The following VPS13B variants were observed in gnomAD, a reference collection of about 807,000 sequenced individuals.
VPS13B encodes the protein vacuolar protein sorting 13 homolog B.
Under a neutral mutation model 426.4 loss-of-function variants are expected in VPS13B, and 285 were observed. That is an observed-to-expected ratio of 0.67 (90% CI 0.61 to 0.74). VPS13B has a LOEUF of 0.74. VPS13B is among the 30% of genes least tolerant of loss of function. VPS13B has a pLI of 0.00. For synonymous variants in VPS13B, 1,676 were observed against 1,676.4 expected (o/e 1.00, Z 0.01); for missense variants, 4,537 against 4,782.6 (o/e 0.95, Z 1.51).
Position 99,871,478 on chromosome 8 carries a change from A to C in VPS13B, c.11526A>C (p.Glu3842Asp). The C allele has an allele frequency of 6.2e-7, 1 of 1,614,214 alleles. No homozygotes were observed. The highest frequency in any genetic ancestry group is 8.5e-7 in the Non-Finnish European group (1 of 1,180,032). ...TGCTTCAGTCTCTGGGCAGACCAGA[A>C]GTCCACATGGCCCTGGACGTGGTTC... is the stretch of plus-strand genomic sequence containing the variant. Reference protein sequence around the residue: ...WKMLQSLGRPEVHMALDVVLV... With the variant: ...WKMLQSLGRPDVHMALDVVLV... Residue 3842 changes from glutamate to aspartate, a missense_variant, in exon 61 of 62, where the codon GAA (glutamate) becomes GAC (aspartate). This residue lies in a region of VPS13B where 4,311 missense variants were observed against 4,474.3 expected (regional missense o/e 0.96). Coordinates refer to ENST00000357162, the MANE Select transcript of VPS13B (RefSeq NM_152564.5).
intron 12 of VPS13B, among the ~76,000 whole-genome samples, chr8:99,137,151 G>A (rs1418942208): frequency 6.6e-6 from 1 of 151,886 alleles, no homozygotes; most frequent in Non-Finnish European, 1.5e-5. Flanking sequence ...AAATCTTCCA[G>A]AGACTTTAGA....
intron 39 of VPS13B, among the ~76,000 whole-genome samples, chr8:99,764,949 G>GA (rs1008019464): frequency 3.3e-5 from 5 of 151,446 alleles, no homozygotes; most frequent in South Asian, 4.2e-4. Flanking sequence ...CTTCCTAGGG[G>GA]AAAAAAAAAG....
intron 31 of VPS13B, among the ~76,000 whole-genome samples, chr8:99,563,179 T>C (rs1018582993): frequency 1.6e-4 from 25 of 152,136 alleles, no homozygotes; most frequent in Non-Finnish European, 2.5e-4. Flanking sequence ...AATAAATGAG[T>C]AATAAAAAAC....
intron 54 of VPS13B, among the ~76,000 whole-genome samples, chr8:99,844,248 C>T (rs1815859518): frequency 6.6e-6 from 1 of 152,072 alleles, no homozygotes; most frequent in Non-Finnish European, 1.5e-5. Context: ...CTAGGAAGTC[C>T]AACATCAGGG....
intron 19 of VPS13B, among the ~76,000 whole-genome samples, chr8:99,295,124 G>A (rs1819958475): frequency 6.6e-6 from 1 of 152,046 alleles, no homozygotes; most frequent in Non-Finnish European, 1.5e-5. Flanking sequence ...AAAACAGTTA[G>A]GGAGATATAT....
intron 21 of VPS13B, among the ~76,000 whole-genome samples, chr8:99,430,008 C>A (rs1463278058): frequency 6.6e-6 from 1 of 152,034 alleles, no homozygotes; most frequent in Non-Finnish European, 1.5e-5. Flanking sequence ...CTTGAAAATC[C>A]CATGCATACC....
intron 17 of VPS13B, among the ~76,000 whole-genome samples, chr8:99,211,247 C>T (rs1397712334): frequency 2.0e-5 from 3 of 152,178 alleles, no homozygotes; most frequent in Non-Finnish European, 4.4e-5. Context: ...AGTCACTCTA[C>T]TTACACTTGA....
chr8:99,734,988 A>C (rs1588666075), intron 39 of VPS13B, among the ~76,000 whole-genome samples: 1 of 152,320 alleles, frequency 6.6e-6, no homozygotes, highest in East Asian at 1.9e-4. Flanking sequence ...TCTACATTGG[A>C]CATTTAAAAT....
chr8:99,706,663 G>A (rs1032638505), intron 36 of VPS13B, among the ~76,000 whole-genome samples: 3 of 152,058 alleles, frequency 2.0e-5, no homozygotes, highest in African/African-American at 7.2e-5. Flanking sequence ...TGGCCTCAGG[G>A]TATTTGTTTT....
chr8:99,373,514 CA>C (rs1813307887), intron 19 of VPS13B, among the ~76,000 whole-genome samples: 1 of 152,046 alleles, frequency 6.6e-6, no homozygotes, highest in Non-Finnish European at 1.5e-5. Context: ...GATTCTGTGA[CA>C]AATGAGAAAT....
At chr8:99,728,023 A>G (rs763145968) in intron 39 of VPS13B, among the ~76,000 whole-genome samples, 3 of 152,232 alleles carry the variant, frequency 2.0e-5, no homozygotes, top group South Asian at 4.1e-4. Flanking sequence ...GTCTGTCTAC[A>G]TGGAGAAAGT....
At chr8:99,325,288 G>A (rs895057671) in intron 19 of VPS13B, among the ~76,000 whole-genome samples, 3 of 152,234 alleles carry the variant, frequency 2.0e-5, no homozygotes, top group South Asian at 4.1e-4. Context: ...TTTTATTTCC[G>A]CTTACCCTGC....
At chr8:99,743,030 C>T (rs1163238995) in intron 39 of VPS13B, among the ~76,000 whole-genome samples, 1 of 152,188 alleles carries the variant, frequency 6.6e-6, no homozygotes, top group African/African-American at 2.4e-5. Context: ...AAGAGGAAGT[C>T]AAATTGTCCC....
intron 61 of VPS13B, chr8:99,873,349 C>T (rs937548522): frequency 6.6e-6 from 1 of 152,080 alleles, no homozygotes; most frequent in African/African-American, 2.4e-5. Context: ...CTGGAGTCAC[C>T]ACTCCTAAAA....
At chr8:99,170,863 T>G (rs1286300402) in intron 16 of VPS13B, among the ~76,000 whole-genome samples, 1 of 151,768 alleles carries the variant, frequency 6.6e-6, no homozygotes, top group Non-Finnish European at 1.5e-5. Context: ...ATTTAGAATA[T>G]GTCTTTTGTA....
At position 99,832,600 on chromosome 8, in the gene VPS13B, C is replaced by A; in HGVS notation, c.9562C>A (p.Gln3188Lys). ...TATAGTTAGACCAGAGTTTCCCAGA[C>A]AGAGTGTGGCAGTACCCCTCGGGAA... The part of the protein sequence containing the change: ...PAIVRPEFPR[Q>K]SVAVPLGNFR... The change falls in exon 52 of 62, where the codon CAG becomes AAG. Residue 3188 changes from glutamine to lysine, a missense_variant. Physicochemically the swap from Gln to Lys is moderately conservative, Grantham distance 53. Coordinates refer to ENST00000357162, the MANE Select transcript of VPS13B (RefSeq NM_152564.5). 6.2e-7 allele frequency: 1 copy of A among 1,613,954 alleles called. No individual in the cohort carries two copies. Among genetic ancestry groups the A allele is most frequent in the Non-Finnish European group, 8.5e-7 (1 of 1,180,022 alleles).
chr8:99,685,249 G>A (rs539246875), intron 35 of VPS13B, among the ~76,000 whole-genome samples: 4 of 152,344 alleles, frequency 2.6e-5, no homozygotes, highest in African/African-American at 7.2e-5. Context: ...TATGGAATTT[G>A]TATTAGTTTT....
chr8:99,090,655 T>G (rs926621229), intron 3 of VPS13B, among the ~76,000 whole-genome samples: 6 of 152,166 alleles, frequency 3.9e-5, no homozygotes, highest in Non-Finnish European at 8.8e-5. Context: ...GGTATCAATT[T>G]TACTACTTTT....
At chr8:99,294,309 A>G (rs1268012189) in intron 19 of VPS13B, among the ~76,000 whole-genome samples, 1 of 117,804 alleles carries the variant, frequency 8.5e-6, no homozygotes, top group Admixed American at 8.7e-5. Flanking sequence ...CAAACACCGC[A>G]TATTCTCACT....
Sources: gnomAD v4.1 joint callset for allele counts (sites outside exome capture counted in the v4.1 genomes callset) on GRCh38, gnomAD v4.1.1 for gene constraint, gnomAD v4.1.1 regional missense constraint, MANE v1.5 for transcripts, NCBI Gene and HGNC (gene_info 2026-07-23, HGNC 2026-07-21) for gene names.